The following ALK variants were observed in gnomAD, a reference collection of about 807,000 sequenced individuals.
The protein encoded by ALK is ALK tyrosine kinase receptor.
ALK carries 74 observed loss-of-function variants against 163.1 expected under a neutral mutation model. The observed-to-expected ratio is 0.45, with a 90% CI of 0.38 to 0.55. The LOEUF (loss-of-function observed/expected upper bound fraction) is 0.55, where lower values mean the gene tolerates loss of function less well. Ranked by LOEUF, ALK falls within the 20% of genes least tolerant of loss-of-function variation. The pLI, the probability that ALK is intolerant of heterozygous loss-of-function variation, is 0.00. For synonymous variants in ALK, 960 were observed against 843.2 expected, an observed-to-expected ratio of 1.14 and a Z score of -2.40; for missense variants, 2,063 against 2,105.3, an observed-to-expected ratio of 0.98 and a Z score of 0.39.
chr2:29,675,583 C>G (rs73921152), intron 3 of ALK, among the ~76,000 whole-genome samples: 8,212 of 151,998 alleles, frequency 0.054, 329 homozygotes, highest in African/African-American at 0.11. Flanking sequence ...TTTCCCTCAT[C>G]CAGTGTGAAA....
intron 3 of ALK, among the ~76,000 whole-genome samples, chr2:29,572,339 C>T (rs766607492): frequency 6.6e-6 from 1 of 152,120 alleles, no homozygotes; most frequent in Non-Finnish European, 1.5e-5. Context: ...GGTCGGCCAC[C>T]GTTTAAATGA....
chr2:29,890,314 T>G (rs1415404690), intron 1 of ALK: 3 of 138,592 alleles, frequency 2.2e-5, no homozygotes, highest in African/African-American at 7.9e-5. Flanking sequence ...GTTTCCAGAG[T>G]CAAACAGGCC....
chr2:29,888,807 T>A (rs1051363265), intron 1 of ALK, among the ~76,000 whole-genome samples: 7 of 152,216 alleles, frequency 4.6e-5, no homozygotes, highest in African/African-American at 1.4e-4. Flanking sequence ...TACATGCCAA[T>A]TTCTAAGATG....
At position 29,524,753 on chromosome 2, in the gene ALK, G is replaced by A. The variant is rs1439991741; in HGVS notation, c.1154+7162C>T. On this transcript the variant is annotated intron_variant, in intron 4 of 28. Transcript: ENST00000389048. ...AAGTACAAAGAGAATGGATGGATGGGTGGATGGATGGATCAATGGATGATA... is the reference window on the plus strand; with the variant it reads ...AAGTACAAAGAGAATGGATGGATGGATGGATGGATGGATCAATGGATGATA... 3.3e-5 allele frequency among the ~76,000 whole-genome samples: 5 copies of A among 152,106 alleles called. No individual in the cohort carries two copies. In the East Asian group the frequency reaches 9.6e-4, roughly 29 times the overall value.
rs532663461 is a variant in ALK, at chr2:29,740,477, C to T, written c.668-22780G>A. On this transcript the variant is annotated intron_variant, in intron 1 of 28. Coordinates refer to ENST00000389048, the MANE Select transcript of ALK (RefSeq NM_004304.5). ...AGACAGAAAAACATGGTTATTTGTC[C>T]TTTTGTTCTCTTATCTTTGGACCAT... Among the ~76,000 whole-genome samples the T allele has an allele frequency of 2.0e-5, 3 of 151,046 alleles. No individual in the cohort carries two copies. In the South Asian group the frequency reaches 6.2e-4, roughly 31 times the overall value.
intron 1 of ALK, among the ~76,000 whole-genome samples, chr2:29,885,375 C>G (rs1271435932): frequency 6.6e-6 from 1 of 152,124 alleles, no homozygotes; most frequent in Non-Finnish European, 1.5e-5. Context: ...CCCCAACAAA[C>G]AGAACATCAC....
chr2:29,674,679 G>T (rs1053217978), intron 3 of ALK, among the ~76,000 whole-genome samples: 1 of 151,272 alleles, frequency 6.6e-6, no homozygotes, highest in Non-Finnish European at 1.5e-5. Flanking sequence ...TCAGAATGAT[G>T]CTGGCCTCAT....
At chr2:29,314,791 C>T (rs921424539) in intron 8 of ALK, among the ~76,000 whole-genome samples, 1 of 152,138 alleles carries the variant, frequency 6.6e-6, no homozygotes, top group African/African-American at 2.4e-5. Context: ...TTTCAAACCA[C>T]ACGGGGCTTG....
intron 4 of ALK, among the ~76,000 whole-genome samples, chr2:29,391,309 G>GGC (rs1669165132): frequency 7.0e-6 from 1 of 142,616 alleles, no homozygotes; most frequent in Admixed American, 7.0e-5. Context: ...TTTTTTTGGG[G>GGC]GGGGGGTGGT....
At chr2:29,329,315 G>A (rs1667369389) in intron 5 of ALK, among the ~76,000 whole-genome samples, 1 of 152,220 alleles carries the variant, frequency 6.6e-6, no homozygotes, top group African/African-American at 2.4e-5. Context: ...CAACAGGAAG[G>A]AGAAGGCTGG....
chr2:29,694,452 T>C (rs553855021), intron 3 of ALK, among the ~76,000 whole-genome samples: 6 of 152,378 alleles, frequency 3.9e-5, no homozygotes, highest in Admixed American at 3.9e-4. Flanking sequence ...TTAGTTTAAG[T>C]GTGTTCCAAC....
intron 5 of ALK, among the ~76,000 whole-genome samples, chr2:29,356,832 C>A (rs1221783191): frequency 2.0e-5 from 3 of 152,178 alleles, no homozygotes; most frequent in Admixed American, 2.0e-4. Context: ...CTGTCTTGGA[C>A]AGAGAAGGAG....
intron 24 of ALK, among the ~76,000 whole-genome samples, chr2:29,212,939 A>G (rs1423226142): frequency 6.6e-6 from 1 of 152,200 alleles, no homozygotes; most frequent in African/African-American, 2.4e-5. Flanking sequence ...TCCCAACCTC[A>G]TGTGATTCTC....
At chr2:29,571,527 G>A (rs977429906) in intron 3 of ALK, among the ~76,000 whole-genome samples, 1 of 149,662 alleles carries the variant, frequency 6.7e-6, no homozygotes, top group Admixed American at 6.7e-5. Context: ...AGTTTCCTGA[G>A]GCCTCCCCAG....
intron 1 of ALK, among the ~76,000 whole-genome samples, chr2:29,850,922 C>A (rs72613833): frequency 4.6e-5 from 7 of 152,102 alleles, no homozygotes; most frequent in Non-Finnish European, 8.8e-5. Flanking sequence ...GGGACTTAAC[C>A]TGGAGATGCC....
chr2:29,613,305 T>C (rs1041352550), intron 3 of ALK, among the ~76,000 whole-genome samples: 2 of 152,236 alleles, frequency 1.3e-5, no homozygotes, highest in African/African-American at 4.8e-5. Flanking sequence ...TCTCATTCTC[T>C]TCTCCTTTTA....
intron 1 of ALK, among the ~76,000 whole-genome samples, chr2:29,831,691 A>C (rs922858721): frequency 6.6e-6 from 1 of 152,210 alleles, no homozygotes; most frequent in Non-Finnish European, 1.5e-5. Context: ...GAGTTGATAG[A>C]AATCACTTAA....
chr2:29,291,792 C>A (rs1666030748), intron 9 of ALK, among the ~76,000 whole-genome samples: 1 of 152,092 alleles, frequency 6.6e-6, no homozygotes, highest in Non-Finnish European at 1.5e-5. Flanking sequence ...TCTGGATTTC[C>A]ACTCACTGAA....
At chr2:29,709,122 A>G (rs907764550) in intron 2 of ALK, among the ~76,000 whole-genome samples, 15 of 152,222 alleles carry the variant, frequency 9.9e-5, no homozygotes, top group Non-Finnish European at 1.5e-4. Context: ...CAAAGCTGTC[A>G]AAAGAGAAAT....
Sources: gnomAD v4.1 joint callset for allele counts (sites outside exome capture counted in the v4.1 genomes callset) on GRCh38, gnomAD v4.1.1 for gene constraint, MANE v1.5 for transcripts, NCBI Gene and HGNC (gene_info 2026-07-23, HGNC 2026-07-21) for gene names.